Variants in EDN1 observed in about 807,000 individuals in gnomAD.
The protein encoded by EDN1 is endothelin-1.
Under a neutral mutation model 21.7 loss-of-function variants are expected in EDN1, and 11 were observed. The ratio of observed to expected loss-of-function variants is 0.51; its 90% CI spans 0.32 to 0.84. The LOEUF (loss-of-function observed/expected upper bound fraction) is 0.84, where lower values mean the gene tolerates loss of function less well. Ranked by LOEUF, EDN1 falls within the 40% of genes least tolerant of loss-of-function variation. The pLI is 0.03. For synonymous variants in EDN1, 85 were observed against 90.6 expected, an observed-to-expected ratio of 0.94 and a Z score of 0.35; for missense variants, 244 against 262.3, an observed-to-expected ratio of 0.93 and a Z score of 0.48.
the EDN1 span, among the ~76,000 whole-genome samples, chr6:12,282,816 T>C: frequency 6.6e-6 from 1 of 152,220 alleles, no homozygotes; most frequent in East Asian, 1.9e-4. Flanking sequence ...ACACACAATG[T>C]CATTACTCTT....
chr6:12,288,523 C>A (rs1762603777), upstream of EDN1, among the ~76,000 whole-genome samples: 1 of 123,226 alleles, frequency 8.1e-6, no homozygotes, highest in South Asian at 2.3e-4. Flanking sequence ...GCCAGGGGCC[C>A]CGGCAGAGGC....
the EDN1 span, among the ~76,000 whole-genome samples, chr6:12,275,940 A>G: frequency 6.6e-6 from 1 of 152,106 alleles, no homozygotes; most frequent in Non-Finnish European, 1.5e-5. Context: ...AGGTGGGTGG[A>G]TCACAAGGTC....
chr6:12,288,905 A>G (rs1190287140), upstream of EDN1, among the ~76,000 whole-genome samples: 1 of 152,232 alleles, frequency 6.6e-6, no homozygotes, highest in Non-Finnish European at 1.5e-5. Flanking sequence ...GAGGAGATGG[A>G]CAAAGTGTGT....
chr6:12,247,163 C>T, the EDN1 span, among the ~76,000 whole-genome samples: 1 of 152,166 alleles, frequency 6.6e-6, no homozygotes, highest in Non-Finnish European at 1.5e-5. Flanking sequence ...CTGGCTCCTG[C>T]CATGCCACAG....
the EDN1 span, among the ~76,000 whole-genome samples, chr6:12,272,134 C>T: frequency 6.6e-6 from 1 of 152,112 alleles, no homozygotes. Context: ...GTAAGGCTAC[C>T]ATAATGTAAG....
At chr6:12,245,050 A>C in the EDN1 span, among the ~76,000 whole-genome samples, 36,513 of 152,186 alleles carry the variant, frequency 0.24, 5,260 homozygotes, top group Non-Finnish European at 0.33. Flanking sequence ...CATAATTATT[A>C]GTGTAAAGAA....
intron 3 of EDN1, 76 bp from the exon 4 acceptor site, chr6:12,294,185 C>CT: frequency 2.5e-6 from 4 of 1,613,056 alleles, no homozygotes; most frequent in Non-Finnish European, 3.4e-6. Context: ...TTTAGAGAGA[C>CT]TAACAGAGAC....
At chr6:12,261,532 T>C in the EDN1 span, among the ~76,000 whole-genome samples, 4 of 151,944 alleles carry the variant, frequency 2.6e-5, no homozygotes, top group African/African-American at 9.7e-5. Context: ...TGAATGGGCG[T>C]AGGGAATAGG....
the EDN1 span, among the ~76,000 whole-genome samples, chr6:12,278,912 A>G: frequency 3.9e-5 from 6 of 152,118 alleles, no homozygotes; most frequent in Non-Finnish European, 8.8e-5. Context: ...CAAAACAAAC[A>G]AACAAAAAAA....
intron 2 of EDN1, among the ~76,000 whole-genome samples, chr6:12,293,200 G>GCA (rs1391733917): frequency 2.6e-5 from 4 of 152,184 alleles, no homozygotes; most frequent in Non-Finnish European, 4.4e-5. Context: ...CATTTACTAT[G>GCA]CATACAATGT....
chr6:12,245,994 T>A, the EDN1 span, among the ~76,000 whole-genome samples: 2 of 148,816 alleles, frequency 1.3e-5, no homozygotes, highest in Admixed American at 6.8e-5. Flanking sequence ...ATGTTGTATT[T>A]ACATGACCCA....
At chr6:12,267,266 A>T in the EDN1 span, among the ~76,000 whole-genome samples, 2 of 152,122 alleles carry the variant, frequency 1.3e-5, no homozygotes, top group African/African-American at 4.8e-5. Flanking sequence ...TTATTCTGTT[A>T]TGGTGACCTG....
At chr6:12,268,739 C>T in the EDN1 span, among the ~76,000 whole-genome samples, 1 of 152,130 alleles carries the variant, frequency 6.6e-6, no homozygotes, top group Non-Finnish European at 1.5e-5. Flanking sequence ...ATTTTGAAGT[C>T]AGGTAGTGTG....
chr6:12,245,244 A>G, the EDN1 span, among the ~76,000 whole-genome samples: 20 of 152,158 alleles, frequency 1.3e-4, no homozygotes, highest in Non-Finnish European at 2.4e-4. Flanking sequence ...ATAGGACTTG[A>G]TATCATCTCT....
chr6:12,242,748 C>A, the EDN1 span, among the ~76,000 whole-genome samples: 1 of 150,064 alleles, frequency 6.7e-6, no homozygotes, highest in Non-Finnish European at 1.5e-5. Context: ...GCTGAACATG[C>A]TTTGACTACA....
chr6:12,280,989 A>AC, the EDN1 span, among the ~76,000 whole-genome samples: 5 of 152,164 alleles, frequency 3.3e-5, no homozygotes, highest in Non-Finnish European at 5.9e-5. Context: ...TCTCAGATCA[A>AC]TTTTTTCTTT....
chr6:12,277,660 G>T, the EDN1 span, among the ~76,000 whole-genome samples: 20 of 152,228 alleles, frequency 1.3e-4, no homozygotes, highest in Admixed American at 2.0e-4. Context: ...AATCGGCAGA[G>T]GAAGAGTCGT....
At chr6:12,239,375 T>C in the EDN1 span, among the ~76,000 whole-genome samples, 1 of 152,238 alleles carries the variant, frequency 6.6e-6, no homozygotes, top group African/African-American at 2.4e-5. Flanking sequence ...AGCTAGGTCA[T>C]GGCCACCTAA....
chr6:12,295,839 G>A (rs1762809407), intron 4 of EDN1, 123 bp from the exon 5 acceptor site: 2 of 851,934 alleles, frequency 2.3e-6, no homozygotes, highest in East Asian at 5.4e-5. Context: ...GTTGCGGCGG[G>A]TGGTGAAAGT....
Sources: allele counts gnomAD v4.1 joint callset (sites outside exome capture counted in the v4.1 genomes callset), GRCh38; gene constraint gnomAD v4.1.1; transcripts MANE v1.5; gene names NCBI Gene and HGNC (gene_info 2026-07-23, HGNC 2026-07-21).